SORCS2: variants seen among roughly 807,000 people sequenced by gnomAD.
SORCS2 encodes the protein sortilin related VPS10 domain containing receptor 2, also known as VPS10 domain-containing receptor SorCS2.
Under a neutral mutation model 141.6 loss-of-function variants are expected in SORCS2, and 100 were observed. The ratio of observed to expected loss-of-function variants is 0.71; its 90% CI spans 0.60 to 0.83. The LOEUF is 0.83. SORCS2 is among the 40% of genes least tolerant of loss of function. The pLI is 0.00. For synonymous variants in SORCS2, 789 were observed against 676.9 expected (o/e 1.17, Z -2.57); for missense variants, 1,646 against 1,560.2 (o/e 1.05, Z -0.93).
At chr4:7,504,848 C>T (rs373589509) in intron 2 of SORCS2, among the ~76,000 whole-genome samples, 3 of 152,306 alleles carry the variant, frequency 2.0e-5, no homozygotes, top group South Asian at 2.1e-4. Flanking sequence ...AGCTGGGACC[C>T]GACTGTTGGG....
At chr4:7,728,927 C>A (rs942486455) in intron 22 of SORCS2, among the ~76,000 whole-genome samples, 1 of 152,196 alleles carries the variant, frequency 6.6e-6, no homozygotes, top group African/African-American at 2.4e-5. Context: ...CCTTGGCCCC[C>A]AAGTGAGAGA....
At position 7,384,014 on chromosome 4, in the gene SORCS2, G is replaced by T. The variant is rs143260926; in HGVS notation, c.481-12274G>T. Among the ~76,000 whole-genome samples the T allele has an allele frequency of 4.2e-4, 64 of 152,304 alleles. 2 individuals are homozygous for T. Among genetic ancestry groups the T allele is most frequent in the Admixed American group, 3.5e-3 (53 of 15,306 alleles). On this transcript the variant is annotated intron_variant, in intron 1 of 26. Coordinates refer to ENST00000507866, the MANE Select transcript of SORCS2 (RefSeq NM_020777.3). ...CTGCTGACTGATTTTGATTTATGAG[G>T]CCCTTTCTTAGCTTCGTTCTTAGCT...
rs200160636 is a variant in SORCS2, at chr4:7,386,196, T to G, written c.481-10092T>G. 2.6e-4 allele frequency among the ~76,000 whole-genome samples: 29 copies of G among 110,526 alleles called. No homozygotes were observed. The South Asian group carries it at 9.3e-3, about 35-fold the overall frequency. 72.5% of individuals were successfully genotyped at this position (110,526 alleles called of 152,430 possible). A position where few individuals can be genotyped will look rare whatever the true frequency, so the allele number is the denominator to read the frequency against. ...GCGCACGCACACACATGCACACACA[T>G]ACACATTTGCACACACGCACACACA... is the stretch of plus-strand genomic sequence containing the variant. On this transcript the variant is annotated intron_variant, in intron 1 of 26. Transcript: ENST00000507866.
chr4:7,435,981 G>T (rs533465370), intron 2 of SORCS2, among the ~76,000 whole-genome samples: 2 of 152,358 alleles, frequency 1.3e-5, no homozygotes, highest in South Asian at 4.1e-4. Context: ...TATGTGGGTC[G>T]GGCAGCCTGG....
chr4:7,370,443 C>A (rs1388732052), intron 1 of SORCS2, among the ~76,000 whole-genome samples: 1 of 152,194 alleles, frequency 6.6e-6, no homozygotes, highest in African/African-American at 2.4e-5. Flanking sequence ...CATCTGGGAT[C>A]GTCATCATTA....
In SORCS2 at chr4:7,706,350, C is replaced by CGTCTGGGCAGGGATGAGGCTGGGCTCT. The variant is rs1553907234; in HGVS notation, c.1868+2095_1868+2121dup. On this transcript the variant is annotated intron_variant, in intron 14 of 26. Transcript: ENST00000507866. The stretch of plus-strand genomic sequence containing the variant: ...TCTGGGCAGGGATGAGGCTGGGCTC[C>CGTCTGGGCAGGGATGAGGCTGGGCTCT]GTCTGGGCAGGGATGAGGCTGGGCT... Among the ~76,000 whole-genome samples, 165 of 24,642 alleles carry CGTCTGGGCAGGGATGAGGCTGGGCTCT rather than the reference C, an allele frequency of 6.7e-3. 45 individuals carry two copies. The highest frequency in any genetic ancestry group is 0.043 in the East Asian group (26 of 606). The allele number at this position is 24,642 out of a possible 152,430, so 16.2% of individuals were successfully genotyped here. A position where few individuals can be genotyped will look rare whatever the true frequency, so the allele number is the denominator to read the frequency against.
At chr4:7,383,766 T>C (rs1723131598) in intron 1 of SORCS2, among the ~76,000 whole-genome samples, 1 of 152,282 alleles carries the variant, frequency 6.6e-6, no homozygotes, top group South Asian at 2.1e-4. Flanking sequence ...CAGCTTGTAA[T>C]TTCATTAATA....
At chr4:7,600,237 C>T (rs1231071575) in intron 3 of SORCS2, among the ~76,000 whole-genome samples, 3 of 152,180 alleles carry the variant, frequency 2.0e-5, no homozygotes, top group South Asian at 2.1e-4. Context: ...TTACCACAAG[C>T]TTAGGGGCTT....
In SORCS2 at chr4:7,727,013, G is replaced by A. The variant is rs548508421; in HGVS notation, c.2869+110G>A. 2.2e-4 allele frequency: 293 copies of A among 1,348,174 alleles called. 1 individual carries two copies. The Middle Eastern group carries it at 2.3e-3, about 11-fold the overall frequency. 83.5% of individuals were successfully genotyped at this position (1,348,174 alleles called of 1,614,324 possible). On this transcript the variant is annotated intron_variant, in intron 21 of 26. Transcript: ENST00000507866. The stretch of plus-strand genomic sequence containing the variant: ...ATGGATGTCCTGGTCACCCTGAGTG[G>A]CCCTGGGGTGGGGAGGGAGGGGCTG...
intron 1 of SORCS2, among the ~76,000 whole-genome samples, chr4:7,358,232 G>C (rs1721379691): frequency 6.6e-6 from 1 of 152,228 alleles, no homozygotes; most frequent in Non-Finnish European, 1.5e-5. Flanking sequence ...GTTAAGAAGA[G>C]GGGCCGTTGA....
chr4:7,388,650 T>C (rs1298921043), intron 1 of SORCS2, among the ~76,000 whole-genome samples: 1 of 152,168 alleles, frequency 6.6e-6, no homozygotes, highest in East Asian at 1.9e-4. Flanking sequence ...CAGATTGTTT[T>C]TAAATTGAGA....
intron 18 of SORCS2, among the ~76,000 whole-genome samples, chr4:7,718,871 G>A (rs892997861): frequency 6.6e-6 from 1 of 152,184 alleles, no homozygotes; most frequent in Admixed American, 6.5e-5. Context: ...TTAGTTTTTT[G>A]TATTTCCTTC....
At chr4:7,228,422 A>G (rs1711571165) in intron 1 of SORCS2, among the ~76,000 whole-genome samples, 1 of 152,194 alleles carries the variant, frequency 6.6e-6, no homozygotes, top group African/African-American at 2.4e-5. Flanking sequence ...GGGGAGGCCT[A>G]GAAGCAGAAT....
chr4:7,527,791 T>G (rs77035883), intron 2 of SORCS2, among the ~76,000 whole-genome samples: 4,556 of 152,068 alleles, frequency 0.03, 225 homozygotes, highest in African/African-American at 0.1. Context: ...AGAGGAAGGG[T>G]ACCCAGACTA....
At chr4:7,327,575 G>T (rs568625048) in intron 1 of SORCS2, among the ~76,000 whole-genome samples, 1 of 152,338 alleles carries the variant, frequency 6.6e-6, no homozygotes, top group East Asian at 1.9e-4. Context: ...TCTCCCGGCT[G>T]CGTGGCTGCT....
chr4:7,445,029 G>A (rs1306252244), intron 2 of SORCS2, among the ~76,000 whole-genome samples: 2 of 152,208 alleles, frequency 1.3e-5, no homozygotes, highest in Admixed American at 6.5e-5. Flanking sequence ...AGGGAGGGCG[G>A]GGAGGGATAT....
At position 7,193,973 on chromosome 4, in the gene SORCS2, A is replaced by T. The variant is rs1353957089; in HGVS notation, c.480+847A>T. ...CATGCAGGAGGCAGAGGGTCCCTTT[A>T]GATTATTCCCCTGGGGGCTGCCTCA... On this transcript the variant is annotated intron_variant, in intron 1 of 26. Transcript: ENST00000507866. This position sits in a 1 kb window ranked among gnomAD's most constrained non-coding sequence, Gnocchi z 4.8. 6.6e-6 allele frequency among the ~76,000 whole-genome samples: 1 copy of T among 151,852 alleles called. No individual in the cohort carries two copies. Among genetic ancestry groups the T allele is most frequent in the Non-Finnish European group, 1.5e-5 (1 of 67,956 alleles).
intron 4 of SORCS2, among the ~76,000 whole-genome samples, chr4:7,653,359 T>C (rs963897254): frequency 2.6e-5 from 4 of 152,100 alleles, no homozygotes; most frequent in African/African-American, 9.7e-5. Flanking sequence ...TTCTCCTGAC[T>C]CAGCCTCCCG....
chr4:7,542,503 G>T (rs993907293), intron 3 of SORCS2, among the ~76,000 whole-genome samples: 1 of 152,154 alleles, frequency 6.6e-6, no homozygotes, highest in Non-Finnish European at 1.5e-5. Context: ...TGAGGGGAGT[G>T]AGGCAGCTGC....
Sources: allele counts gnomAD v4.1 joint callset (sites outside exome capture counted in the v4.1 genomes callset), GRCh38; gene constraint gnomAD v4.1.1; non-coding constraint Gnocchi (gnomAD v3.1); transcripts MANE v1.5; gene names NCBI Gene and HGNC (gene_info 2026-07-23, HGNC 2026-07-21).